PRH1: variants seen among roughly 807,000 people sequenced by gnomAD.
PRH1 encodes the protein salivary acidic proline-rich phosphoprotein 1/2.
A neutral mutation model predicts 7.9 loss-of-function variants in PRH1; 7 were observed. That is an observed-to-expected ratio of 0.89 (90% CI 0.50 to 1.67). The LOEUF is 1.67. Among genes scored for constraint, PRH1 ranks in the 40% most tolerant of loss-of-function variants. The pLI is 0.00. For synonymous variants in PRH1, 45 were observed against 80.8 expected (o/e 0.56, Z 2.38); for missense variants, 109 against 223.6 (o/e 0.49, Z 3.27).
intron 1 of PRH1, among the ~76,000 whole-genome samples, chr12:10,998,329 T>A (rs1013696212): frequency 6.6e-6 from 1 of 152,148 alleles, no homozygotes; most frequent in African/African-American, 2.4e-5. Context: ...AAAAAATATA[T>A]TGTTAAAAGA....
chr12:10,960,873 G>A (rs997224679), intron 2 of PRH1, among the ~76,000 whole-genome samples: 93 of 152,086 alleles, frequency 6.1e-4, no homozygotes, highest in African/African-American at 2.1e-3. Context: ...TAAAGTAAAC[G>A]GCATGTTTCC....
intron 2 of PRH1, chr12:10,964,578 C>G (rs906779766): frequency 2.8e-6 from 1 of 360,452 alleles, no homozygotes. Flanking sequence ...AGGACAGGTT[C>G]GTTCTACAGC....
intron 1 of PRH1, among the ~76,000 whole-genome samples, chr12:11,040,077 TG>T (rs1454452784): frequency 6.6e-6 from 1 of 152,226 alleles, no homozygotes; most frequent in Non-Finnish European, 1.5e-5. Flanking sequence ...TCAGCAATTG[TG>T]TAACTATTTT....
intron 1 of PRH1, among the ~76,000 whole-genome samples, chr12:11,058,187 G>A (rs1052442196): frequency 2.6e-5 from 4 of 152,162 alleles, no homozygotes; most frequent in Admixed American, 1.3e-4. Flanking sequence ...AATGAGCTAT[G>A]ATCCTGCCAC....
chr12:11,039,586 T>C (rs1378621837), intron 1 of PRH1, among the ~76,000 whole-genome samples: 1 of 152,376 alleles, frequency 6.6e-6, no homozygotes, highest in Non-Finnish European at 1.5e-5. Context: ...AATACACAGA[T>C]GACACATTGG....
At chr12:10,933,358 T>C (rs954553209) in intron 2 of PRH1, among the ~76,000 whole-genome samples, 2 of 152,060 alleles carry the variant, frequency 1.3e-5, no homozygotes, top group African/African-American at 4.8e-5. Flanking sequence ...GGAAGATTCC[T>C]CATTAACAGG....
At chr12:11,065,067 T>C (rs892705203) in intron 1 of PRH1, among the ~76,000 whole-genome samples, 4 of 152,064 alleles carry the variant, frequency 2.6e-5, no homozygotes, top group Admixed American at 6.6e-5. Flanking sequence ...ATAATAATAA[T>C]TTTTCTATTA....
At chr12:10,976,182 TC>T (rs1301419500) in intron 1 of PRH1, among the ~76,000 whole-genome samples, 1 of 152,008 alleles carries the variant, frequency 6.6e-6, no homozygotes, top group Non-Finnish European at 1.5e-5. Flanking sequence ...ATAAAACAAT[TC>T]CTAGCAAATA....
chr12:10,935,805 T>C (rs1950279029), intron 2 of PRH1, among the ~76,000 whole-genome samples: 1 of 152,184 alleles, frequency 6.6e-6, no homozygotes. Flanking sequence ...AGATCTGTAA[T>C]GTTGTCTATA....
intron 1 of PRH1, chr12:11,134,135 T>C (rs1946476212): frequency 6.2e-7 from 1 of 1,614,018 alleles, no homozygotes; most frequent in African/African-American, 1.3e-5. Context: ...CTTTTGTCTC[T>C]TGACCCACTC....
chr12:11,147,765 C>A (rs1009115172), intron 1 of PRH1, among the ~76,000 whole-genome samples: 2 of 152,132 alleles, frequency 1.3e-5, no homozygotes, highest in African/African-American at 2.4e-5. Context: ...TGTTAAAGAG[C>A]ATTTCTGCCT....
chr12:10,968,614 T>C (rs1306986642), intron 2 of PRH1, among the ~76,000 whole-genome samples: 1 of 152,236 alleles, frequency 6.6e-6, no homozygotes, highest in Non-Finnish European at 1.5e-5. Flanking sequence ...ATGGAGGACA[T>C]TTCCCTTACC....
chr12:10,889,848 C>T (rs1483959248), intron 2 of PRH1, among the ~76,000 whole-genome samples: 4 of 151,940 alleles, frequency 2.6e-5, no homozygotes, highest in Non-Finnish European at 5.9e-5. Context: ...TCTAAAATAT[C>T]TGTTTTCTTA....
intron 1 of PRH1, among the ~76,000 whole-genome samples, chr12:11,018,929 T>G (rs1307202137): frequency 6.6e-6 from 1 of 152,258 alleles, no homozygotes; most frequent in African/African-American, 2.4e-5. Context: ...AAGTAAACAG[T>G]TCTATGTGCA....
intron 2 of PRH1, among the ~76,000 whole-genome samples, chr12:10,950,689 A>G (rs1950557303): frequency 6.6e-6 from 1 of 152,078 alleles, no homozygotes. Context: ...AATGACTTTG[A>G]GAAAATATGA....
chr12:10,893,390 CTTG>C (rs1035656477), intron 2 of PRH1, among the ~76,000 whole-genome samples: 81 of 152,268 alleles, frequency 5.3e-4, no homozygotes, highest in African/African-American at 1.8e-3. Context: ...TAAATTTATT[CTTG>C]TTGTTTTTTC....
chr12:11,034,015 T>C (rs1942336369), intron 1 of PRH1, among the ~76,000 whole-genome samples: 1 of 142,526 alleles, frequency 7.0e-6, no homozygotes, highest in Non-Finnish European at 1.5e-5. Flanking sequence ...ATCCATAATT[T>C]ATAATGGTTA....
chr12:11,123,339 G>A (rs1945981170), intron 1 of PRH1, among the ~76,000 whole-genome samples: 1 of 136,890 alleles, frequency 7.3e-6, no homozygotes, highest in South Asian at 2.6e-4. Flanking sequence ...ATATATATCT[G>A]GGTGTAGATT....
chr12:11,170,625 A>T (rs563159769), intron 1 of PRH1, among the ~76,000 whole-genome samples: 1 of 152,326 alleles, frequency 6.6e-6, no homozygotes, highest in South Asian at 2.1e-4. Context: ...GGTTTCACAG[A>T]TGCATCTCCA....
Sources: allele counts gnomAD v4.1 joint callset (sites outside exome capture counted in the v4.1 genomes callset), GRCh38; gene constraint gnomAD v4.1.1; transcripts MANE v1.5; gene names NCBI Gene and HGNC (gene_info 2026-07-23, HGNC 2026-07-21).